CYP2C8: variants seen among roughly 807,000 people sequenced by gnomAD.
CYP2C8 encodes the protein cytochrome P450 2C8.
In CYP2C8, 51 loss-of-function variants were observed where a neutral mutation model predicts 41.3. That is an observed-to-expected ratio of 1.24 (90% CI 0.99 to 1.56). The LOEUF (loss-of-function observed/expected upper bound fraction) is 1.56, where lower values mean the gene tolerates loss of function less well. Among genes scored for constraint, CYP2C8 ranks in the 40% most tolerant of loss-of-function variants. CYP2C8 has a pLI of 0.00. For synonymous variants in CYP2C8, 218 were observed against 205.8 expected (o/e 1.06, Z -0.51); for missense variants, 651 against 579.9 (o/e 1.12, Z -1.26).
chr10:95,066,625 T>A (rs1245344842), intron 3 of CYP2C8, among the ~76,000 whole-genome samples: 1 of 152,182 alleles, frequency 6.6e-6, no homozygotes, highest in Non-Finnish European at 1.5e-5. Flanking sequence ...AAATAAGAAC[T>A]GATGAAAACT....
intron 4 of CYP2C8, among the ~76,000 whole-genome samples, chr10:95,060,191 G>T (rs1283921075): frequency 1.2e-5 from 1 of 86,054 alleles, no homozygotes; most frequent in Non-Finnish European, 2.4e-5. Flanking sequence ...AAAGTCATTG[G>T]TGCTTGATGG....
At chr10:95,055,409 G>A (rs2033297092) in intron 5 of CYP2C8, among the ~76,000 whole-genome samples, 1 of 152,104 alleles carries the variant, frequency 6.6e-6, no homozygotes, top group African/African-American at 2.4e-5. Flanking sequence ...ACAGTGCTGG[G>A]ACAACTGGGT....
Position 95,064,860 on chromosome 10 carries a change from A to T in CYP2C8, c.582T>A (p.Phe194Leu). Residue 194 changes from phenylalanine (F) to leucine (L), a missense_variant, in exon 4 of 9, where the codon TTT (phenylalanine) becomes TTA (leucine). Coordinates refer to ENST00000371270, the MANE Select transcript of CYP2C8 (RefSeq NM_000770.3). The part of the protein sequence containing the change: ...QKRFDYKDQN[F>L]LTLMKRFNEN... ...CATTGAATCTTTTCATCAGGGTGAG[A>T]AAATTCTGATCTTTATAATCAAATC... 2 of 1,614,088 alleles carry T rather than the reference A, an allele frequency of 1.2e-6. No homozygotes were observed. The highest frequency in any genetic ancestry group is 1.7e-6 in the Non-Finnish European group (2 of 1,180,012).
intron 8 of CYP2C8, 33 bp downstream of exon 8, chr10:95,038,864 C>T (rs1175377741): frequency 6.2e-7 from 1 of 1,611,446 alleles, no homozygotes; most frequent in African/African-American, 1.3e-5. Context: ...TCTCTCTTTC[C>T]TTTAAATACA....
intron 8 of CYP2C8, among the ~76,000 whole-genome samples, 164 bp from the exon 9 acceptor site, chr10:95,037,473 G>C (rs746564693): frequency 2.0e-5 from 3 of 152,196 alleles, no homozygotes; most frequent in Non-Finnish European, 4.4e-5. Flanking sequence ...ATGATGGATT[G>C]ATTAATGGAT....
intron 5 of CYP2C8, among the ~76,000 whole-genome samples, chr10:95,050,797 G>T (rs973529044): frequency 6.6e-6 from 1 of 152,112 alleles, no homozygotes; most frequent in Non-Finnish European, 1.5e-5. Context: ...TTCACTGCTG[G>T]TGCAGTATTC....
intron 5 of CYP2C8, among the ~76,000 whole-genome samples, chr10:95,048,313 G>T (rs934312716): frequency 1.3e-5 from 2 of 152,168 alleles, no homozygotes; most frequent in Non-Finnish European, 2.9e-5. Flanking sequence ...CTGTGGAAAG[G>T]TTTGAGAGAT....
intron 3 of CYP2C8, among the ~76,000 whole-genome samples, chr10:95,066,849 T>C (rs994683306): frequency 2.0e-5 from 3 of 152,194 alleles, no homozygotes; most frequent in Non-Finnish European, 4.4e-5. Context: ...TCTGGTGAAA[T>C]GTTCTGGTGG....
At chr10:95,059,460 G>C (rs1428272088) in intron 4 of CYP2C8, among the ~76,000 whole-genome samples, 1 of 151,860 alleles carries the variant, frequency 6.6e-6, no homozygotes, top group East Asian at 1.9e-4. Context: ...GTGTCTGTTC[G>C]TATCCTTTGC....
chr10:95,067,045 C>A lies in CYP2C8; in HGVS notation c.481+163G>T, dbSNP rs114912366. On this transcript the variant is annotated intron_variant, in intron 3 of 8. Coordinates refer to ENST00000371270, the MANE Select transcript of CYP2C8 (RefSeq NM_000770.3). Reference sequence around the variant, plus strand: ...TTTATACAGGCAAAGCACAGATACACAAAACCTCCCTTGTCTCTGTGCTTC... The same window carrying A: ...TTTATACAGGCAAAGCACAGATACAAAAAACCTCCCTTGTCTCTGTGCTTC... Among the ~76,000 whole-genome samples, 337 of 152,298 alleles carry A rather than the reference C, an allele frequency of 2.2e-3. 2 individuals carry two copies. Among genetic ancestry groups the A allele is most frequent in the African/African-American group, 7.7e-3 (322 of 41,564 alleles).
At chr10:95,051,406 G>A (rs1278937144) in intron 5 of CYP2C8, among the ~76,000 whole-genome samples, 1 of 152,102 alleles carries the variant, frequency 6.6e-6, no homozygotes, top group Non-Finnish European at 1.5e-5. Context: ...TGGCCTTAAA[G>A]AGGAGGTAGA....
At chr10:95,056,250 A>T (rs909148671) in intron 5 of CYP2C8, among the ~76,000 whole-genome samples, 2 of 152,218 alleles carry the variant, frequency 1.3e-5, no homozygotes, top group Admixed American at 1.3e-4. Flanking sequence ...ACAGAAAATT[A>T]CAAATATTGG....
At chr10:95,040,296 T>A (rs779250197) in intron 7 of CYP2C8, among the ~76,000 whole-genome samples, 6 of 152,158 alleles carry the variant, frequency 3.9e-5, no homozygotes, top group Non-Finnish European at 8.8e-5. Context: ...TGTGCTTTGA[T>A]GAAAACTGTG....
intron 7 of CYP2C8, chr10:95,039,255 T>C: frequency 1.8e-6 from 1 of 541,522 alleles, no homozygotes; most frequent in Non-Finnish European, 3.3e-6. Flanking sequence ...GATACTTGTG[T>C]GCAACCTTCT....
At chr10:95,069,141 T>A in intron 1 of CYP2C8, 94 bp downstream of exon 1, 2 of 1,364,674 alleles carry the variant, frequency 1.5e-6, no homozygotes, top group Non-Finnish European at 2.1e-6. Flanking sequence ...TGATCTATTA[T>A]AATAGTGTGC....
chr10:95,048,738 A>T (rs1172084837), intron 5 of CYP2C8, among the ~76,000 whole-genome samples: 1 of 152,154 alleles, frequency 6.6e-6, no homozygotes, highest in African/African-American at 2.4e-5. Context: ...TAGCTGTGGG[A>T]TTTGTGCTTG....
chr10:95,067,120 A>G (rs1260939813), intron 3 of CYP2C8, 88 bp downstream of exon 3: 5 of 1,582,570 alleles, frequency 3.2e-6, no homozygotes, highest in Non-Finnish European at 3.5e-6. Context: ...CGCAATGAAG[A>G]CCTGGCCACC....
intron 4 of CYP2C8, among the ~76,000 whole-genome samples, chr10:95,063,151 C>T (rs1172326821): frequency 9.9e-5 from 15 of 152,130 alleles, no homozygotes; most frequent in South Asian, 4.2e-4. Flanking sequence ...ATCTTTGTGG[C>T]GTTCTCTGTA....
At chr10:95,062,872 G>T (rs1057161503) in intron 4 of CYP2C8, among the ~76,000 whole-genome samples, 1 of 152,084 alleles carries the variant, frequency 6.6e-6, no homozygotes. Flanking sequence ...TGTATGTAAA[G>T]GATTTTATTT....
Sources: gnomAD v4.1 joint callset for allele counts (sites outside exome capture counted in the v4.1 genomes callset) on GRCh38, gnomAD v4.1.1 for gene constraint, MANE v1.5 for transcripts, NCBI Gene and HGNC (gene_info 2026-07-23, HGNC 2026-07-21) for gene names.